The following GRIK2 variants were observed in gnomAD, a reference collection of about 807,000 sequenced individuals.
GRIK2 encodes the protein glutamate receptor ionotropic, kainate 2.
In GRIK2, 32 loss-of-function variants were observed where a neutral mutation model predicts 100.3. The ratio of observed to expected loss-of-function variants is 0.32; its 90% confidence interval spans 0.24 to 0.43. GRIK2 has a LOEUF of 0.43. GRIK2 is among the 20% of genes least tolerant of loss of function. The pLI is 1.00. For synonymous variants in GRIK2, 417 were observed against 389.4 expected, an observed-to-expected ratio of 1.07 and a Z score of -0.83; for missense variants, 843 against 1,114.9, an observed-to-expected ratio of 0.76 and a Z score of 3.47.
intron 7 of GRIK2, among the ~76,000 whole-genome samples, chr6:101,793,638 A>G (rs1391733773): frequency 2.6e-5 from 4 of 152,138 alleles, no homozygotes; most frequent in Non-Finnish European, 5.9e-5. Flanking sequence ...CCTCCCAGTT[A>G]GGCTGCTCGG....
At chr6:101,669,402 C>T (rs1462044342) in intron 4 of GRIK2, among the ~76,000 whole-genome samples, 1 of 152,044 alleles carries the variant, frequency 6.6e-6, no homozygotes, top group Non-Finnish European at 1.5e-5. Context: ...TTCATTTTGA[C>T]CAATGGACTG....
chr6:101,868,205 TA>T lies in GRIK2; in HGVS notation c.1524+8725del, dbSNP rs561914967. ...CTTACTGTAGTCAGGAAATGCTTCT[TA>T]AAAAAAAAAAAAGCTTCAATGTCTT... is the stretch of plus-strand genomic sequence containing the variant. On this transcript the variant is annotated intron_variant, in intron 11 of 16. Coordinates refer to ENST00000369134, the MANE Select transcript of GRIK2 (RefSeq NM_021956.5). Among the ~76,000 whole-genome samples, 992 of 136,346 alleles carry T rather than the reference TA, an allele frequency of 7.3e-3. 8 individuals carry two copies. The highest frequency in any genetic ancestry group is 0.02 in the South Asian group (86 of 4,232). The allele number at this position is 136,346 out of a possible 152,430, so 89.4% of individuals were successfully genotyped here.
At chr6:101,652,101 G>T (rs187306266) in intron 4 of GRIK2, among the ~76,000 whole-genome samples, 2 of 152,262 alleles carry the variant, frequency 1.3e-5, no homozygotes, top group Admixed American at 1.3e-4. Context: ...AAAAGTTTCC[G>T]TGGAGTGATG....
chr6:102,055,587 G>T lies in GRIK2; in HGVS notation c.2562+7G>T. On this transcript the variant is annotated splice_region_variant and intron_variant, in intron 16 of 16. Coordinates refer to ENST00000369134, the MANE Select transcript of GRIK2 (RefSeq NM_021956.5). ...AAACGCTCAATTGGAAAAGGTAAAT[G>T]TTACTTGTTTCAGTTTAAATTTAAA... 6.3e-7 allele frequency: 1 copy of T among 1,589,114 alleles called. No individual in the cohort carries two copies. The highest frequency in any genetic ancestry group is 1.3e-5 in the African/African-American group (1 of 74,228).
At chr6:102,051,910 A>G (rs967117100) in intron 15 of GRIK2, among the ~76,000 whole-genome samples, 7 of 152,174 alleles carry the variant, frequency 4.6e-5, no homozygotes, top group African/African-American at 1.7e-4. Context: ...GTGACTCCTG[A>G]GCTTCTCTCA....
chr6:101,794,874 T>A (rs1374749390), intron 7 of GRIK2, among the ~76,000 whole-genome samples: 1 of 151,598 alleles, frequency 6.6e-6, no homozygotes, highest in Non-Finnish European at 1.5e-5. Context: ...CAATTTTTTT[T>A]TTTTTTTTTG....
chr6:101,985,643 C>T (rs1562089264), intron 14 of GRIK2, among the ~76,000 whole-genome samples: 1 of 151,618 alleles, frequency 6.6e-6, no homozygotes, highest in Non-Finnish European at 1.5e-5. Flanking sequence ...ACTCTTAGCC[C>T]TTAGTAATAG....
intron 10 of GRIK2, among the ~76,000 whole-genome samples, chr6:101,822,742 T>TA (rs1382859578): frequency 2.0e-5 from 3 of 151,932 alleles, no homozygotes; most frequent in African/African-American, 7.2e-5. Flanking sequence ...TATATATATA[T>TA]TTTTTCTTTT....
chr6:101,873,265 G>GC (rs912112730), intron 11 of GRIK2, among the ~76,000 whole-genome samples: 37 of 106,776 alleles, frequency 3.5e-4, no homozygotes, highest in African/African-American at 1.3e-3. Context: ...CCCACAATAA[G>GC]CCCCAGTGTG....
At chr6:101,790,675 G>T (rs1299049640) in intron 7 of GRIK2, among the ~76,000 whole-genome samples, 9 of 147,360 alleles carry the variant, frequency 6.1e-5, no homozygotes, top group Non-Finnish European at 7.4e-5. Flanking sequence ...TCTCTTTTTT[G>T]GTTGTGTCTC....
At chr6:101,685,549 A>T (rs1195430851) in intron 6 of GRIK2, among the ~76,000 whole-genome samples, 1 of 152,178 alleles carries the variant, frequency 6.6e-6, no homozygotes, top group Non-Finnish European at 1.5e-5. Context: ...CAGAGCAAGA[A>T]AGTTCACTAT....
chr6:102,067,684 T>C (rs77570795), intron 16 of GRIK2, among the ~76,000 whole-genome samples: 2,807 of 151,940 alleles, frequency 0.018, 88 homozygotes, highest in African/African-American at 0.064. Flanking sequence ...CTCTCAGTTA[T>C]CAAGCTAATG....
At chr6:101,990,209 C>A (rs1167570036) in intron 14 of GRIK2, among the ~76,000 whole-genome samples, 2 of 151,688 alleles carry the variant, frequency 1.3e-5, no homozygotes, top group Non-Finnish European at 3.0e-5. Flanking sequence ...ACACCAGGCA[C>A]TGTGTTAGCC....
At chr6:101,750,248 G>A (rs1173313526) in intron 7 of GRIK2, among the ~76,000 whole-genome samples, 1 of 152,120 alleles carries the variant, frequency 6.6e-6, no homozygotes, top group Non-Finnish European at 1.5e-5. Flanking sequence ...AAGTTGGCCA[G>A]TGTTACACAG....
chr6:101,505,253 G>A (rs1773963192), intron 2 of GRIK2, among the ~76,000 whole-genome samples: 1 of 151,988 alleles, frequency 6.6e-6, no homozygotes, highest in Non-Finnish European at 1.5e-5. Flanking sequence ...TCTAGTACCT[G>A]GCACGTTTTG....
At chr6:101,607,767 G>A (rs2128312154) in intron 2 of GRIK2, among the ~76,000 whole-genome samples, 1 of 151,860 alleles carries the variant, frequency 6.6e-6, no homozygotes, top group South Asian at 2.1e-4. Flanking sequence ...ATAAATTTTG[G>A]ATTAAGGAAC....
In GRIK2 at chr6:101,773,065, T is replaced by C. The variant is rs530379778; in HGVS notation, c.952-26583T>C. The stretch of plus-strand genomic sequence containing the variant: ...AACACAATGAGAAAGTGTATGTTCA[T>C]ATGGGGCAGGGATATTCAAGAGAAC... On this transcript the variant is annotated intron_variant, in intron 7 of 16. Coordinates refer to ENST00000369134, the MANE Select transcript of GRIK2 (RefSeq NM_021956.5). Among the ~76,000 whole-genome samples the C allele has an allele frequency of 6.0e-4, 91 of 152,260 alleles. No individual in the cohort carries two copies. The South Asian group carries it at 0.019, about 31-fold the overall frequency.
At chr6:101,935,626 T>C (rs1790568404) in intron 14 of GRIK2, among the ~76,000 whole-genome samples, 1 of 151,978 alleles carries the variant, frequency 6.6e-6, no homozygotes, top group South Asian at 2.1e-4. Flanking sequence ...GCCTACTCTA[T>C]AGATTTATAT....
chr6:101,991,260 C>T (rs559146436), intron 14 of GRIK2, among the ~76,000 whole-genome samples: 36 of 151,230 alleles, frequency 2.4e-4, no homozygotes, highest in South Asian at 6.2e-4. Context: ...TTATTTTTTT[C>T]AGCTCTTCAT....
Sources: allele counts gnomAD v4.1 joint callset (sites outside exome capture counted in the v4.1 genomes callset), GRCh38; gene constraint gnomAD v4.1.1; transcripts MANE v1.5; gene names NCBI Gene and HGNC (gene_info 2026-07-23, HGNC 2026-07-21).